Variants in ADGRF1 observed in about 807,000 individuals in gnomAD.
The protein encoded by ADGRF1 is G protein-coupled receptor 110.
ADGRF1 carries 85 observed loss-of-function variants against 87.2 expected under a neutral mutation model. The observed-to-expected ratio is 0.97, with a 90% CI of 0.82 to 1.17. The LOEUF (loss-of-function observed/expected upper bound fraction) is 1.17. ADGRF1 is among the 50% of genes most tolerant of loss of function. The pLI is 0.00. For missense variants in ADGRF1, 1,169 were observed against 1,077.2 expected (o/e 1.09, Z -1.19); for synonymous variants, 430 against 408.8 (o/e 1.05, Z -0.63).
chr6:47,009,072 CGGATGATGGTG>C lies in ADGRF1; in HGVS notation c.2352_2362del (p.Thr785ArgfsTer56). On this transcript the variant is annotated frameshift_variant, in exon 11 of 15. Transcript: ENST00000371253. LOFTEE classifies it high-confidence loss of function. ...CAGAATGAGGAGGCTCTTCCCCACG[CGGATGATGGTG>C]GCCTTGTCATCCCGACTCAGTCTTT... 1 of 1,614,078 alleles carries C rather than the reference CGGATGATGGTG, an allele frequency of 6.2e-7. No individual in the cohort carries two copies. The highest frequency in any genetic ancestry group is 8.5e-7 in the Non-Finnish European group (1 of 1,180,018).
chr6:47,023,550 A>C (rs2113897027), intron 5 of ADGRF1, among the ~76,000 whole-genome samples: 1 of 152,280 alleles, frequency 6.6e-6, no homozygotes, highest in South Asian at 2.1e-4. Context: ...CCTAAGCTAG[A>C]CTTTTAGCTT....
In ADGRF1 at chr6:47,009,363, T is replaced by C. The variant is rs1418251798; in HGVS notation, c.2072A>G (p.His691Arg). ...CATCATCAAATGCTGGGCCATGTGA[T>C]GGAACACGAGGATGATCCGGTAAGC... ...LLAYRIILVF[H>R]HMAQHLMMAV... The change falls in exon 11 of 15, where the codon CAT becomes CGT. Residue 691 changes from histidine (H) to arginine (R), a missense_variant. Transcript: ENST00000371253. The C allele has an allele frequency of 1.9e-6, 3 of 1,614,008 alleles. No homozygotes were observed. The highest frequency in any genetic ancestry group is 2.2e-5 in the East Asian group (1 of 44,890).
intron 13 of ADGRF1, 168 bp from the exon 14 acceptor site, chr6:47,001,735 T>A: frequency 1.8e-6 from 1 of 570,386 alleles, no homozygotes; most frequent in Non-Finnish European, 3.1e-6. Flanking sequence ...TCTTCTGCTT[T>A]AATCTATTTA....
At chr6:47,034,223 A>G (rs1013494387) in intron 1 of ADGRF1, among the ~76,000 whole-genome samples, 3 of 152,176 alleles carry the variant, frequency 2.0e-5, no homozygotes, top group Admixed American at 6.5e-5. Context: ...TTCAGGTTTC[A>G]TTATTACATG....
intron 7 of ADGRF1, chr6:47,017,033 C>CT (rs1457050803): frequency 2.2e-5 from 4 of 182,590 alleles, no homozygotes; most frequent in Non-Finnish European, 3.2e-5. Context: ...TTATGGAAGG[C>CT]TTTTTTGTGC....
chr6:47,027,297 T>C (rs1031367932), intron 3 of ADGRF1, among the ~76,000 whole-genome samples: 4 of 152,216 alleles, frequency 2.6e-5, no homozygotes, highest in African/African-American at 9.6e-5. Flanking sequence ...ATAAAAGCTA[T>C]TGTAGACTGA....
At chr6:47,027,666 C>A (rs1305588739) in intron 3 of ADGRF1, 38 bp downstream of exon 3, 16 of 1,485,096 alleles carry the variant, frequency 1.1e-5, no homozygotes, top group Non-Finnish European at 1.5e-5. Flanking sequence ...CCCTTGACAC[C>A]AAAATCCACT....
At chr6:47,019,931 G>A (rs773226266) in intron 7 of ADGRF1, 3 of 985,452 alleles carry the variant, frequency 3.0e-6, no homozygotes, top group Non-Finnish European at 3.6e-6. Context: ...ATGACTACTG[G>A]GTTTTGAACT....
At position 47,013,096 on chromosome 6, in the gene ADGRF1, C is replaced by T. The variant is rs1406224412; in HGVS notation, c.928-901G>A. Reference sequence around the variant, plus strand: ...CCTAGATTTGGAATTTTACTTCTTTCTTGAGGCTCCCATCTACTTTTACTA... The same window carrying T: ...CCTAGATTTGGAATTTTACTTCTTTTTTGAGGCTCCCATCTACTTTTACTA... On this transcript the variant is annotated intron_variant, in intron 9 of 14. Coordinates refer to ENST00000371253, the MANE Select transcript of ADGRF1 (RefSeq NM_153840.4). The T allele has an allele frequency of 7.1e-6, 7 of 985,328 alleles. No homozygotes were observed. In the African/African-American group the frequency reaches 1.0e-4, roughly 15 times the overall value. 61.0% of individuals were successfully genotyped at this position (985,328 alleles called of 1,614,324 possible).
At chr6:47,002,088 A>G (rs1779379501) in intron 13 of ADGRF1, 1 of 153,132 alleles carries the variant, frequency 6.5e-6, no homozygotes, top group Non-Finnish European at 1.5e-5. Context: ...AATATTTGAA[A>G]CAAAGAGCAT....
chr6:47,018,993 T>C (rs988131425), intron 7 of ADGRF1: 48 of 166,004 alleles, frequency 2.9e-4, no homozygotes, highest in Middle Eastern at 3.0e-3. Flanking sequence ...TGGGATTGCT[T>C]GAACCCAGGG....
chr6:47,037,490 A>G (rs13210503), intron 1 of ADGRF1, among the ~76,000 whole-genome samples: 7,665 of 151,992 alleles, frequency 0.05, 263 homozygotes, highest in Middle Eastern at 0.11. Context: ...TCCATTATGG[A>G]TTTTACTTAT....
intron 9 of ADGRF1, chr6:47,012,620 G>A (rs1179219571): frequency 6.1e-6 from 6 of 983,018 alleles, no homozygotes; most frequent in Non-Finnish European, 7.3e-6. Context: ...AGAGCACTCA[G>A]CGGAAAATGT....
At chr6:47,038,818 G>A (rs377150037) in intron 1 of ADGRF1, among the ~76,000 whole-genome samples, 187 of 152,262 alleles carry the variant, frequency 1.2e-3, no homozygotes, top group South Asian at 0.012. Context: ...GTTCAACAAC[G>A]TAAAAGACTA....
chr6:47,025,717 G>T, intron 4 of ADGRF1, 137 bp downstream of exon 4: 1 of 814,152 alleles, frequency 1.2e-6, no homozygotes, highest in Non-Finnish European at 1.9e-6. Flanking sequence ...CATGTAGCAT[G>T]AAGAAGATAT....
In ADGRF1 at chr6:47,009,053, G is replaced by A. The variant is rs750141412; in HGVS notation, c.2382C>T (p.Leu794=). 59 of 1,613,972 alleles carry A rather than the reference G, an allele frequency of 3.7e-5. No homozygotes were observed. The highest frequency in any genetic ancestry group is 4.9e-5 in the Non-Finnish European group (58 of 1,180,028). Reference sequence around the variant, plus strand: ...TGAGCCCTAGCAGAGGGGTCAGAATGAGGAGGCTCTTCCCCACGCGGATGA... The same window carrying A: ...TGAGCCCTAGCAGAGGGGTCAGAATAAGGAGGCTCTTCCCCACGCGGATGA... The part of the protein sequence containing the change: ...ATIIRVGKSL[L]ILTPLLGLTW... Residue 794 remains leucine, a synonymous_variant, in exon 11 of 15, where the codon CTC becomes CTT. Coordinates refer to ENST00000371253, the MANE Select transcript of ADGRF1 (RefSeq NM_153840.4).
chr6:47,006,698 T>A (rs1779543155), intron 12 of ADGRF1, among the ~76,000 whole-genome samples: 1 of 152,068 alleles, frequency 6.6e-6, no homozygotes, highest in Admixed American at 6.6e-5. Flanking sequence ...TTCCCCTGAG[T>A]CCCCAAAGTC....
chr6:47,010,375 A>G, intron 10 of ADGRF1, 57 bp from the exon 11 acceptor site: 1 of 1,366,360 alleles, frequency 7.3e-7, no homozygotes, highest in Non-Finnish European at 1.0e-6. Flanking sequence ...TAAGAGGACC[A>G]GCAGTGGATA....
rs540917248 is a variant in ADGRF1 at position 47,002,819 on chromosome 6, G to T, written c.2593-1252C>A. Among the ~76,000 whole-genome samples the T allele has an allele frequency of 6.6e-5, 10 of 152,214 alleles. No individual in the cohort carries two copies. The South Asian group carries it at 1.9e-3, about 29-fold the overall frequency. On this transcript the variant is annotated intron_variant, in intron 13 of 14. Transcript: ENST00000371253. Reference sequence around the variant, plus strand: ...AAGACAGGGGCCTGAGCATGGAGAAGATTTGGGGTCCATACAGTGTGCTGT... The same window carrying T: ...AAGACAGGGGCCTGAGCATGGAGAATATTTGGGGTCCATACAGTGTGCTGT...
Sources: gnomAD v4.1 joint callset for allele counts (sites outside exome capture counted in the v4.1 genomes callset) on GRCh38, gnomAD v4.1.1 for gene constraint, MANE v1.5 for transcripts, NCBI Gene and HGNC (gene_info 2026-07-23, HGNC 2026-07-21) for gene names.